The following GPC6 variants were observed in gnomAD, a reference collection of about 807,000 sequenced individuals.
GPC6 encodes the protein glypican 6.
Under a neutral mutation model 55.2 loss-of-function variants are expected in GPC6, and 14 were observed. The observed-to-expected ratio is 0.25, with a 90% CI of 0.17 to 0.40. GPC6 has a LOEUF of 0.40. Among genes scored for constraint, GPC6 ranks in the 10% least tolerant of loss-of-function variants. The probability of loss-of-function intolerance (pLI) is 1.00; values close to 1 mark genes in which losing one functional copy is unlikely to be tolerated. For missense variants in GPC6, 641 were observed against 708.5 expected, an observed-to-expected ratio of 0.90 and a Z score of 1.08; for synonymous variants, 278 against 259.6, an observed-to-expected ratio of 1.07 and a Z score of -0.68.
intron 2 of GPC6, among the ~76,000 whole-genome samples, chr13:93,646,633 C>T (rs1880185901): frequency 6.6e-6 from 1 of 151,962 alleles, no homozygotes; most frequent in South Asian, 2.1e-4. Flanking sequence ...CCTTGAAGTC[C>T]TTAAGTTCTT....
intron 6 of GPC6, among the ~76,000 whole-genome samples, chr13:94,378,438 A>T (rs1012593997): frequency 1.3e-5 from 2 of 152,182 alleles, no homozygotes; most frequent in African/African-American, 4.8e-5. Context: ...TTTAGCAATC[A>T]TTCCACCTTG....
chr13:94,334,368 AACAGCAGAAAAT>A (rs1278658901), intron 6 of GPC6, among the ~76,000 whole-genome samples: 4 of 152,238 alleles, frequency 2.6e-5, no homozygotes, highest in African/African-American at 9.6e-5. Context: ...CCACCTGGGG[AACAGCAGAAAAT>A]ACCAGTGCCC....
At chr13:94,351,805 A>G (rs561256178) in intron 6 of GPC6, among the ~76,000 whole-genome samples, 9 of 151,772 alleles carry the variant, frequency 5.9e-5, no homozygotes, top group African/African-American at 2.2e-4. Context: ...CGGAGCATAT[A>G]CTCCTGAATT....
intron 2 of GPC6, among the ~76,000 whole-genome samples, chr13:93,635,774 T>C (rs1879665117): frequency 6.6e-6 from 1 of 152,128 alleles, no homozygotes; most frequent in South Asian, 2.1e-4. Context: ...GAACATATCT[T>C]TTCATAGTAC....
chr13:93,291,154 C>A (rs1199764621), intron 1 of GPC6, among the ~76,000 whole-genome samples: 1 of 152,114 alleles, frequency 6.6e-6, no homozygotes, highest in Non-Finnish European at 1.5e-5. Context: ...GACATTTAGA[C>A]CAAGGGATTA....
intron 1 of GPC6, among the ~76,000 whole-genome samples, chr13:93,372,792 G>A (rs1874725743): frequency 6.6e-6 from 1 of 152,172 alleles, no homozygotes; most frequent in Admixed American, 6.5e-5. Context: ...TGTTGGTAAA[G>A]AAGATTTAAA....
chr13:93,265,246 T>A (rs748827064), intron 1 of GPC6, among the ~76,000 whole-genome samples: 1 of 152,174 alleles, frequency 6.6e-6, no homozygotes, highest in East Asian at 1.9e-4. Context: ...AAGAAATCAA[T>A]GTGTTTGTTA....
At chr13:94,309,095 A>T (rs1876105361) in intron 6 of GPC6, among the ~76,000 whole-genome samples, 2 of 152,222 alleles carry the variant, frequency 1.3e-5, no homozygotes, top group Admixed American at 1.3e-4. Flanking sequence ...CCTGGAAAAG[A>T]TGTTTCCTGA....
chr13:93,390,546 G>T (rs560648998), intron 1 of GPC6, among the ~76,000 whole-genome samples: 29 of 152,242 alleles, frequency 1.9e-4, no homozygotes, highest in African/African-American at 6.7e-4. Flanking sequence ...TTATGGGCAG[G>T]AGTGGAAAGA....
chr13:93,880,310 C>G (rs1325085937), intron 3 of GPC6, among the ~76,000 whole-genome samples: 11 of 151,912 alleles, frequency 7.2e-5, no homozygotes. Flanking sequence ...GACTTGGAAC[C>G]AACTCAAATG....
At chr13:94,236,520 C>A (rs934786079) in intron 4 of GPC6, among the ~76,000 whole-genome samples, 7 of 152,056 alleles carry the variant, frequency 4.6e-5, no homozygotes, top group African/African-American at 1.7e-4. Flanking sequence ...AAGACAATTG[C>A]ATAAAATGCT....
At chr13:94,295,212 TAAA>T (rs1484661411) in intron 5 of GPC6, among the ~76,000 whole-genome samples, 2 of 152,164 alleles carry the variant, frequency 1.3e-5, no homozygotes, top group Non-Finnish European at 2.9e-5. Context: ...TAACTCACAT[TAAA>T]AATGAGAATG....
intron 2 of GPC6, among the ~76,000 whole-genome samples, chr13:93,609,391 G>A (rs1197107505): frequency 6.6e-6 from 1 of 152,024 alleles, no homozygotes; most frequent in Non-Finnish European, 1.5e-5. Context: ...TTTTTGTTTT[G>A]TTTTGTTTTG....
chr13:93,913,627 A>G (rs536459392), intron 3 of GPC6, among the ~76,000 whole-genome samples: 2 of 152,246 alleles, frequency 1.3e-5, no homozygotes, highest in Admixed American at 6.5e-5. Flanking sequence ...TTTCCTCTTT[A>G]ACAAAATTTC....
At chr13:94,113,030 G>A (rs1886306527) in intron 4 of GPC6, among the ~76,000 whole-genome samples, 1 of 152,078 alleles carries the variant, frequency 6.6e-6, no homozygotes, top group South Asian at 2.1e-4. Flanking sequence ...CTTAGAGCCT[G>A]TCATAAAATG....
intron 4 of GPC6, among the ~76,000 whole-genome samples, chr13:94,061,805 A>AC (rs1395401248): frequency 1.3e-5 from 2 of 151,988 alleles, no homozygotes; most frequent in Non-Finnish European, 2.9e-5. Context: ...AAAAAAAAAA[A>AC]ACAAAAATGT....
intron 2 of GPC6, among the ~76,000 whole-genome samples, chr13:93,778,046 G>A (rs141850656): frequency 2.6e-5 from 4 of 152,154 alleles, no homozygotes; most frequent in East Asian, 3.9e-4. Flanking sequence ...CTTTGCATAG[G>A]CTAATTGAGG....
chr13:93,865,538 T>C (rs538953495), intron 3 of GPC6, among the ~76,000 whole-genome samples: 1 of 151,806 alleles, frequency 6.6e-6, no homozygotes, highest in African/African-American at 2.4e-5. Flanking sequence ...TTGTAACCTT[T>C]TGTCTGTGAG....
chr13:94,021,100 C>T (rs1882676257), intron 3 of GPC6, among the ~76,000 whole-genome samples: 1 of 151,938 alleles, frequency 6.6e-6, no homozygotes, highest in South Asian at 2.1e-4. Context: ...AAAGCATCAA[C>T]TCTTGCCCAA....
Sources: allele counts gnomAD v4.1 joint callset (sites outside exome capture counted in the v4.1 genomes callset), GRCh38; gene constraint gnomAD v4.1.1; transcripts MANE v1.5; gene names NCBI Gene and HGNC (gene_info 2026-07-23, HGNC 2026-07-21).